Variants in PFKP observed in about 807,000 individuals in gnomAD.
The protein encoded by PFKP is phosphofructokinase, platelet, also known as ATP-dependent 6-phosphofructokinase, platelet type.
In PFKP, 101 loss-of-function variants were observed where a neutral mutation model predicts 94.3. That is an observed-to-expected ratio of 1.07 (90% confidence interval 0.91 to 1.26). PFKP has a LOEUF of 1.26. Ranked by LOEUF, PFKP falls within the 50% of genes most tolerant of loss-of-function variation. PFKP has a pLI of 0.00. For synonymous variants in PFKP, 573 were observed against 432.6 expected (o/e 1.32, Z -4.03); for missense variants, 1,145 against 1,103.3 (o/e 1.04, Z -0.53).
At chr10:3,114,601 G>A (rs867408771) in intron 13 of PFKP, among the ~76,000 whole-genome samples, 1 of 152,258 alleles carries the variant, frequency 6.6e-6, no homozygotes, top group African/African-American at 2.4e-5. Context: ...AGTGCTCAGA[G>A]GCATGCCGAG....
intron 13 of PFKP, among the ~76,000 whole-genome samples, chr10:3,113,991 A>C (rs1836532753): frequency 6.6e-6 from 1 of 152,100 alleles, no homozygotes; most frequent in African/African-American, 2.4e-5. Flanking sequence ...TAAGCCTCAC[A>C]CTAAATCTAA....
At chr10:3,123,909 C>T (rs1164673044) in intron 16 of PFKP, among the ~76,000 whole-genome samples, 1 of 152,168 alleles carries the variant, frequency 6.6e-6, no homozygotes, top group Non-Finnish European at 1.5e-5. Context: ...GGAGGCTGTG[C>T]CATGGGGTGC....
intron 10 of PFKP, among the ~76,000 whole-genome samples, chr10:3,110,078 C>CTTCT (rs1439237007): frequency 6.6e-6 from 1 of 152,196 alleles, no homozygotes; most frequent in Non-Finnish European, 1.5e-5. Flanking sequence ...TACACCCACC[C>CTTCT]TTCTTGGGCC....
intron 18 of PFKP, 92 bp downstream of exon 18, chr10:3,132,533 AT>A: frequency 1.1e-6 from 1 of 899,050 alleles, no homozygotes; most frequent in East Asian, 2.4e-5. Context: ...ATGAGTGGTC[AT>A]TTCTTTGCCG....
At chr10:3,076,748 G>A (rs1475153747) in intron 1 of PFKP, among the ~76,000 whole-genome samples, 1 of 152,142 alleles carries the variant, frequency 6.6e-6, no homozygotes, top group East Asian at 1.9e-4. Context: ...CACCCGAGCT[G>A]GACAGTGGGT....
Position 3,105,476 on chromosome 10 carries a change from A to C in PFKP, c.749A>C (p.Glu250Ala), listed in dbSNP as rs775405937. ...TCTCCACCAGAGGAAGGCTGGGAGGAGCAGATGTGTGTCAAACTCTCGGAG... is the reference window on the plus strand; with the variant it reads ...TCTCCACCAGAGGAAGGCTGGGAGGCGCAGATGTGTGTCAAACTCTCGGAG... ...PESPPEEGWE[E>A]QMCVKLSENR... Residue 250 changes from glutamate (E) to alanine (A), a missense_variant, in exon 7 of 22, where the codon GAG becomes GCG. This residue lies in a region of PFKP where 1,119 missense variants were observed against 1,062.8 expected (regional missense o/e 1.05). Transcript: ENST00000381125. 1 of 1,612,646 alleles carries C rather than the reference A, an allele frequency of 6.2e-7. No individual in the cohort carries two copies.
At position 3,107,543 on chromosome 10, in the gene PFKP, C is replaced by T. The variant is rs1372642755; in HGVS notation, c.870+234C>T. Among the ~76,000 whole-genome samples the T allele has an allele frequency of 1.3e-5, 2 of 152,252 alleles. 1 individual carries two copies. The highest frequency in any genetic ancestry group is 4.1e-4 in the South Asian group (2 of 4,834). ...CCGAGCCCGTAGAGGTTCCGGGACT[C>T]CCCAGCAGACAGAGGGGGTCAGCTC... On this transcript the variant is annotated intron_variant, in intron 8 of 21. Coordinates refer to ENST00000381125, the MANE Select transcript of PFKP (RefSeq NM_002627.5).
intron 16 of PFKP, among the ~76,000 whole-genome samples, chr10:3,125,695 G>C (rs1837874014): frequency 6.6e-6 from 1 of 152,226 alleles, no homozygotes; most frequent in South Asian, 2.1e-4. Flanking sequence ...AGGCTCTTTA[G>C]AGAGCCGAAA....
At chr10:3,122,876 A>G (rs1301682154) in intron 16 of PFKP, among the ~76,000 whole-genome samples, 2 of 152,202 alleles carry the variant, frequency 1.3e-5, no homozygotes, top group East Asian at 1.9e-4. Context: ...TGCTCCCAGC[A>G]TCTGGGGCTG....
At chr10:3,111,367 C>T (rs1836217716) in intron 10 of PFKP, among the ~76,000 whole-genome samples, 1 of 151,886 alleles carries the variant, frequency 6.6e-6, no homozygotes. Context: ...TTAGTGTGTG[C>T]CTGTGTGCAT....
chr10:3,118,466 TG>T (rs112006986), intron 14 of PFKP, among the ~76,000 whole-genome samples: 34,075 of 151,888 alleles, frequency 0.22, 4,428 homozygotes, highest in African/African-American at 0.36. Flanking sequence ...GACTCCATCT[TG>T]GAAAAAAAAA....
intron 1 of PFKP, 33 bp from the exon 2 acceptor site, chr10:3,082,355 C>T: frequency 6.4e-7 from 1 of 1,564,522 alleles, no homozygotes; most frequent in East Asian, 2.3e-5. Context: ...ACCCCGGGCT[C>T]TTCAGTGACT....
intron 4 of PFKP, among the ~76,000 whole-genome samples, chr10:3,101,987 C>T (rs547182032): frequency 6.6e-5 from 10 of 150,850 alleles, no homozygotes; most frequent in African/African-American, 1.2e-4. Flanking sequence ...CGCGGTGGCT[C>T]ACGCCTGTAA....
chr10:3,131,274 G>A (rs1381823658), intron 17 of PFKP, among the ~76,000 whole-genome samples: 3 of 152,110 alleles, frequency 2.0e-5, no homozygotes, highest in Non-Finnish European at 4.4e-5. Context: ...TCTGCCTCCT[G>A]GGTTTGTGTG....
At chr10:3,083,491 T>C (rs978038583) in intron 2 of PFKP, among the ~76,000 whole-genome samples, 13 of 152,366 alleles carry the variant, frequency 8.5e-5, no homozygotes, top group African/African-American at 3.1e-4. Flanking sequence ...TGTTTTAGTC[T>C]GATTTCCTTC....
In PFKP at chr10:3,113,135, C is replaced by G; in HGVS notation, c.1171C>G (p.Leu391Val). ...TTCCTTTAGGAGCTTTGCGGGCAAC[C>G]TGAACACCTACAAGCGACTTGCCAT... The part of the protein sequence containing the change: ...RLRGRSFAGN[L>V]NTYKRLAIKL... The change falls in exon 12 of 22, where the codon CTG becomes GTG. Residue 391 changes from leucine to valine, a missense_variant. This residue lies in a region of PFKP where 1,119 missense variants were observed against 1,062.8 expected (regional missense o/e 1.05). Transcript: ENST00000381125. 1 of 1,613,258 alleles carries G rather than the reference C, an allele frequency of 6.2e-7. No homozygotes were observed. The highest frequency in any genetic ancestry group is 8.5e-7 in the Non-Finnish European group (1 of 1,179,706).
intron 2 of PFKP, among the ~76,000 whole-genome samples, chr10:3,092,854 C>T (rs1352656860): frequency 6.6e-6 from 1 of 152,090 alleles, no homozygotes; most frequent in Non-Finnish European, 1.5e-5. Context: ...AGTGCTGGTG[C>T]TCCCCTGTCT....
chr10:3,080,384 GCGGGCGCCTGTA>G (rs1832958420), intron 1 of PFKP, among the ~76,000 whole-genome samples: 1 of 150,658 alleles, frequency 6.6e-6, no homozygotes, highest in Admixed American at 6.6e-5. Flanking sequence ...AGGCGTGGTG[GCGGGCGCCTGTA>G]GTCCCAGCTG....
chr10:3,076,017 CAAAAAAA>C lies in PFKP; in HGVS notation c.113-6354_113-6348del, dbSNP rs59102828. On this transcript the variant is annotated intron_variant, in intron 1 of 21. Coordinates refer to ENST00000381125, the MANE Select transcript of PFKP (RefSeq NM_002627.5). The stretch of plus-strand genomic sequence containing the variant: ...TGGGCGACAGAGCGAGACTCCGTCT[CAAAAAAA>C]AAAAAAAAAAAAAAAAGTAAAAACC... Among the ~76,000 whole-genome samples the C allele has an allele frequency of 6.9e-3, 429 of 61,840 alleles. 3 individuals are homozygous for C. Among genetic ancestry groups the C allele is most frequent in the African/African-American group, 0.024 (402 of 16,904 alleles). The allele number at this position is 61,840 out of a possible 152,430, so 40.6% of individuals were successfully genotyped here.
Sources: allele counts gnomAD v4.1 joint callset (sites outside exome capture counted in the v4.1 genomes callset), GRCh38; gene constraint gnomAD v4.1.1; regional missense constraint gnomAD v4.1.1; transcripts MANE v1.5; gene names NCBI Gene and HGNC (gene_info 2026-07-23, HGNC 2026-07-21).